MPHOSPH9: variants seen among roughly 807,000 people sequenced by gnomAD.
MPHOSPH9 encodes M-phase phosphoprotein 9.
A neutral mutation model predicts 145.5 loss-of-function variants in MPHOSPH9; 88 were observed. The observed-to-expected ratio is 0.60, with a 90% confidence interval of 0.51 to 0.72. The LOEUF is 0.72. Ranked by LOEUF, MPHOSPH9 falls within the 30% of genes least tolerant of loss-of-function variation. MPHOSPH9 has a pLI of 0.00. For missense variants in MPHOSPH9, 1,238 were observed against 1,386.6 expected (o/e 0.89, Z 1.70); for synonymous variants, 435 against 486.2 (o/e 0.89, Z 1.39).
intron 8 of MPHOSPH9, among the ~76,000 whole-genome samples, chr12:123,207,146 T>TAA (rs35392378): frequency 0.053 from 6,048 of 114,512 alleles, 343 homozygotes; most frequent in East Asian, 0.26. Context: ...CTAAAGTGGT[T>TAA]AAAAAAAAAA....
chr12:123,160,722 T>C (rs1178630660), intron 23 of MPHOSPH9, 59 bp downstream of exon 23: 3 of 1,502,182 alleles, frequency 2.0e-6, no homozygotes, highest in Non-Finnish European at 2.8e-6. Flanking sequence ...CCCTCTTAGA[T>C]AACTGGAACA....
rs1420934731 is a variant in MPHOSPH9, at chr12:123,202,318, T to A, written c.1783A>T (p.Ile595Phe). 6.3e-7 allele frequency: 1 copy of A among 1,588,290 alleles called. No homozygotes were observed. The highest frequency in any genetic ancestry group is 8.5e-7 in the Non-Finnish European group (1 of 1,172,508). The change falls in exon 11 of 24, where the codon ATT becomes TTT. Residue 595 changes from isoleucine (I) to phenylalanine (F), a missense_variant and splice_region_variant. By Grantham distance (21) the Ile-to-Phe change is conservative (BLOSUM62 0). This residue lies in a region of MPHOSPH9 where 837 missense variants were observed against 897.5 expected (regional missense o/e 0.93). Transcript: ENST00000606320. ...SLEDPVILSK[I>F]RQNLKEKHAR... ...TGCTTTTCCTTCAGATTCTGCCTAA[T>A]CCTTATTCAGTGAGAATAAAAAATA...
intron 7 of MPHOSPH9, among the ~76,000 whole-genome samples, chr12:123,213,566 T>C (rs2046835691): frequency 6.6e-6 from 1 of 152,136 alleles, no homozygotes; most frequent in Non-Finnish European, 1.5e-5. Flanking sequence ...CTCAAACTCA[T>C]GGCCTCAAGC....
At chr12:123,228,938 C>A (rs2047532996) in intron 2 of MPHOSPH9, among the ~76,000 whole-genome samples, 1 of 152,146 alleles carries the variant, frequency 6.6e-6, no homozygotes, top group Non-Finnish European at 1.5e-5. Context: ...AATGCGTGGC[C>A]AACTTTCTGC....
chr12:123,209,871 G>T (rs2138445708), intron 8 of MPHOSPH9, among the ~76,000 whole-genome samples, 185 bp downstream of exon 8: 1 of 151,162 alleles, frequency 6.6e-6, no homozygotes, highest in South Asian at 2.1e-4. Flanking sequence ...CGAGTAGCTG[G>T]GACTACAGGC....
At chr12:123,203,160 T>C (rs2046293706) in intron 9 of MPHOSPH9, 76 bp from the exon 10 acceptor site, 1 of 1,589,062 alleles carries the variant, frequency 6.3e-7, no homozygotes, top group Non-Finnish European at 8.6e-7. Context: ...GAGTAGGCTT[T>C]AGATCTCCTA....
intron 1 of MPHOSPH9, chr12:123,243,719 AAAG>A (rs2047987523): frequency 6.6e-6 from 1 of 152,232 alleles, no homozygotes; most frequent in African/African-American, 2.4e-5. Context: ...AAAAAATAAA[AAAG>A]AAATAGCAGA....
At chr12:123,206,777 G>A (rs2046455389) in intron 8 of MPHOSPH9, among the ~76,000 whole-genome samples, 1 of 151,848 alleles carries the variant, frequency 6.6e-6, no homozygotes, top group South Asian at 2.1e-4. Flanking sequence ...AGCTGGGTAT[G>A]GTAGTGCATG....
chr12:123,198,208 T>TTGTC (rs761401691), intron 12 of MPHOSPH9, 39 bp downstream of exon 12: 11 of 1,422,368 alleles, frequency 7.7e-6, no homozygotes, highest in Non-Finnish European at 1.1e-5. Flanking sequence ...AATAATTCAT[T>TTGTC]TGTCTCACCA....
intron 2 of MPHOSPH9, among the ~76,000 whole-genome samples, chr12:123,227,870 G>C (rs1211940311): frequency 6.6e-6 from 1 of 152,188 alleles, no homozygotes; most frequent in Non-Finnish European, 1.5e-5. Flanking sequence ...CAAAGGATCG[G>C]CAGAAAATAG....
chr12:123,167,593 C>G (rs1426396293), intron 16 of MPHOSPH9, among the ~76,000 whole-genome samples: 1 of 152,118 alleles, frequency 6.6e-6, no homozygotes, highest in Non-Finnish European at 1.5e-5. Context: ...TCCTGTGTCC[C>G]AACCCCTTTG....
intron 13 of MPHOSPH9, among the ~76,000 whole-genome samples, chr12:123,191,414 C>T (rs2045671317): frequency 6.6e-6 from 1 of 152,184 alleles, no homozygotes; most frequent in African/African-American, 2.4e-5. Flanking sequence ...CCTCAGCACC[C>T]TGAGTAGCTT....
Position 123,202,210 on chromosome 12 carries a change from A to G in MPHOSPH9, c.1891T>C (p.Ser631Pro). The G allele has an allele frequency of 6.2e-7, 1 of 1,612,704 alleles. No individual in the cohort carries two copies. Among genetic ancestry groups the G allele is most frequent in the Non-Finnish European group, 8.5e-7 (1 of 1,179,676 alleles). Residue 631 changes from serine to proline, a missense_variant, in exon 11 of 24, where the codon TCT (serine) becomes CCT (proline). Coordinates refer to ENST00000606320, the MANE Select transcript of MPHOSPH9 (RefSeq NM_022782.4). ...LKQKLEAKEI[S>P]GVEDWKITNQ... ...GTTATCTTCCAATCTTCAACTCCAG[A>G]GATTTCTTTTGCCTCCAGCTTCTGT...
intron 16 of MPHOSPH9, among the ~76,000 whole-genome samples, chr12:123,171,566 T>C (rs567607181): frequency 6.6e-6 from 1 of 152,114 alleles, no homozygotes; most frequent in South Asian, 2.1e-4. Flanking sequence ...TTGGCTGACA[T>C]GGCAAAACCC....
chr12:123,174,638 C>A (rs751128088), intron 16 of MPHOSPH9, among the ~76,000 whole-genome samples: 1 of 152,122 alleles, frequency 6.6e-6, no homozygotes, highest in Non-Finnish European at 1.5e-5. Context: ...TCCCAAAGTG[C>A]TGGGATTACA....
At chr12:123,195,591 A>T (rs541233403) in intron 12 of MPHOSPH9, among the ~76,000 whole-genome samples, 1 of 152,266 alleles carries the variant, frequency 6.6e-6, no homozygotes, top group South Asian at 2.1e-4. Context: ...GTCTCAAAAA[A>T]AAAAAAGAAA....
intron 3 of MPHOSPH9, among the ~76,000 whole-genome samples, chr12:123,224,125 T>TAC (rs1179942926): frequency 1.1e-4 from 15 of 132,470 alleles, no homozygotes; most frequent in Non-Finnish European, 2.0e-4. Flanking sequence ...TATATATATA[T>TAC]ACACATTTTT....
rs150799979 is a variant in MPHOSPH9 at position 123,238,609 on chromosome 12, T to A, written c.-159+5244A>T. On this transcript the variant is annotated intron_variant, in intron 1 of 2. Transcript: ENST00000545406. ...AACATGATGAAACCCCATCTCTACT[T>A]TTTTAGAAAAGAAAAAGAAAAGCTT... is the stretch of plus-strand genomic sequence containing the variant. 2.1e-3 allele frequency among the ~76,000 whole-genome samples: 323 copies of A among 152,180 alleles called. 1 individual carries two copies. Among genetic ancestry groups the A allele is most frequent in the African/African-American group, 7.4e-3 (309 of 41,542 alleles).
At chr12:123,201,965 T>A (rs1257027875) in intron 11 of MPHOSPH9, among the ~76,000 whole-genome samples, 199 bp downstream of exon 11, 3 of 152,230 alleles carry the variant, frequency 2.0e-5, no homozygotes, top group African/African-American at 7.2e-5. Context: ...TTCAGTATTT[T>A]GCCCATGTGA....
Sources: allele counts gnomAD v4.1 joint callset (sites outside exome capture counted in the v4.1 genomes callset), GRCh38; gene constraint gnomAD v4.1.1; regional missense constraint gnomAD v4.1.1; transcripts MANE v1.5; gene names NCBI Gene and HGNC (gene_info 2026-07-23, HGNC 2026-07-21).